TRDMT1: variants seen among roughly 807,000 people sequenced by gnomAD.
TRDMT1 encodes tRNA aspartic acid methyltransferase 1.
Under a neutral mutation model 51.2 loss-of-function variants are expected in TRDMT1, and 49 were observed. The ratio of observed to expected loss-of-function variants is 0.96; its 90% CI spans 0.76 to 1.21. The LOEUF (loss-of-function observed/expected upper bound fraction) is 1.21. Among genes scored for constraint, TRDMT1 ranks in the 50% most tolerant of loss-of-function variants. The probability of loss-of-function intolerance (pLI) is 0.00; values close to 1 mark genes in which losing one functional copy is unlikely to be tolerated. For missense variants in TRDMT1, 534 were observed against 462.3 expected, an observed-to-expected ratio of 1.16 and a Z score of -1.42; for synonymous variants, 187 against 164.6, an observed-to-expected ratio of 1.14 and a Z score of -1.04.
intron 1 of TRDMT1, among the ~76,000 whole-genome samples, chr10:17,192,161 T>C (rs1270786145): frequency 6.6e-6 from 1 of 151,994 alleles, no homozygotes; most frequent in Non-Finnish European, 1.5e-5. Context: ...GAGTTATAAA[T>C]ATAGTCTGAA....
chr10:17,189,375 A>G (rs1844388598), intron 1 of TRDMT1, among the ~76,000 whole-genome samples: 1 of 152,190 alleles, frequency 6.6e-6, no homozygotes, highest in African/African-American at 2.4e-5. Flanking sequence ...CCATATATGG[A>G]TATGCAAAGC....
intron 9 of TRDMT1, 88 bp from the exon 10 acceptor site, chr10:17,153,724 C>T (rs1839102755): frequency 5.1e-6 from 7 of 1,368,228 alleles, no homozygotes; most frequent in Non-Finnish European, 6.9e-6. Context: ...ACTCGATGGA[C>T]ATACAGTCTG....
chr10:17,151,323 G>T, intron 10 of TRDMT1: 17 of 985,294 alleles, frequency 1.7e-5, no homozygotes, highest in Non-Finnish European at 1.8e-5. Flanking sequence ...GATGAACAAG[G>T]TCAAGATATC....
Position 17,153,616 on chromosome 10 carries a change from G to C in TRDMT1, c.966C>G (p.Ser322=). ...GTTCTTCTTGTGACAAATTGGTAAG[G>C]GATTTGTAGATATTCTCAACCTGTA... The part of the protein sequence containing the change: ...EDVQVENIYK[S]LTNLSQEEQI... Residue 322 remains serine (S), a synonymous_variant, in exon 10 of 11, where the codon TCC becomes TCG. Coordinates refer to ENST00000377799, the MANE Select transcript of TRDMT1 (RefSeq NM_004412.7). 1 of 1,590,940 alleles carries C rather than the reference G, an allele frequency of 6.3e-7. No homozygotes were observed. Among genetic ancestry groups the C allele is most frequent in the Non-Finnish European group, 8.6e-7 (1 of 1,169,560 alleles).
At chr10:17,151,578 C>T in intron 10 of TRDMT1, 1 of 985,556 alleles carries the variant, frequency 1.0e-6, no homozygotes, top group Non-Finnish European at 1.2e-6. Flanking sequence ...AAGCTCAACT[C>T]CAAAAACATA....
rs191284365 is a variant in TRDMT1 at position 17,147,199 on chromosome 10, A to G, written c.*1841T>C. The G allele has an allele frequency of 4.2e-5, 41 of 985,864 alleles. No homozygotes were observed. The highest frequency in any genetic ancestry group is 5.2e-4 in the Middle Eastern group (1 of 1,914). The allele number at this position is 985,864 out of a possible 1,614,324, so 61.1% of individuals were successfully genotyped here. On this transcript the variant is annotated 3_prime_UTR_variant, in exon 11 of 11. Coordinates refer to ENST00000377799, the MANE Select transcript of TRDMT1 (RefSeq NM_004412.7). Reference sequence around the variant, plus strand: ...TATTTCAGCAGTGAACAGAACCTACATGAAAGTGTGCCAAAATAATTTGTG... The same window carrying G: ...TATTTCAGCAGTGAACAGAACCTACGTGAAAGTGTGCCAAAATAATTTGTG...
chr10:17,183,988 T>A (rs1843593605), intron 1 of TRDMT1, among the ~76,000 whole-genome samples: 1 of 152,038 alleles, frequency 6.6e-6, no homozygotes, highest in Non-Finnish European at 1.5e-5. Flanking sequence ...AACTCAACAA[T>A]AATCAAAAGA....
rs1158489851 is a variant in TRDMT1, at chr10:17,137,852, G to C, written c.*11188C>G. Among the ~76,000 whole-genome samples the C allele has an allele frequency of 2.0e-5, 3 of 149,372 alleles. No homozygotes were observed. The highest frequency in any genetic ancestry group is 3.9e-4 in the East Asian group (2 of 5,170). The stretch of plus-strand genomic sequence containing the variant: ...CAAAAAAAAAAGAAAAAAAAAAAAA[G>C]GTTGTTCCACTTGTCCAGCAGGGTG... On this transcript the variant is annotated 3_prime_UTR_variant, in exon 11 of 11. Coordinates refer to ENST00000377799, the MANE Select transcript of TRDMT1 (RefSeq NM_004412.7).
rs1838319104 is a variant in TRDMT1 at position 17,148,627 on chromosome 10, GA to G, written c.*412del. The G allele has an allele frequency of 1.0e-6, 1 of 967,510 alleles. No homozygotes were observed. The highest frequency in any genetic ancestry group is 1.2e-6 in the Non-Finnish European group (1 of 813,636). The allele number at this position is 967,510 out of a possible 1,614,324, so 59.9% of individuals were successfully genotyped here. ...ATTAAGTAAAACATTCAATGGGCTAGAATTAGAATCATTATTTTAAAATTAG... is the reference window on the plus strand; with the variant it reads ...ATTAAGTAAAACATTCAATGGGCTAGATTAGAATCATTATTTTAAAATTAG... On this transcript the variant is annotated 3_prime_UTR_variant, in exon 11 of 11. Transcript: ENST00000377799.
intron 1 of TRDMT1, among the ~76,000 whole-genome samples, chr10:17,183,152 T>C (rs1194195935): frequency 6.6e-6 from 1 of 152,212 alleles, no homozygotes; most frequent in East Asian, 1.9e-4. Context: ...ATAGAGATGT[T>C]AAAAAGATAA....
Position 17,144,790 on chromosome 10 carries a change from C to T in TRDMT1, c.*4250G>A. ...TAAAGAGAGAAACGGAAGCTAGAAACAACAACAACAAAAAATACTTTTTCT... is the reference window on the plus strand; with the variant it reads ...TAAAGAGAGAAACGGAAGCTAGAAATAACAACAACAAAAAATACTTTTTCT... On this transcript the variant is annotated 3_prime_UTR_variant, in exon 11 of 11. Coordinates refer to ENST00000377799, the MANE Select transcript of TRDMT1 (RefSeq NM_004412.7). 1.0e-6 allele frequency: 1 copy of T among 984,044 alleles called. No individual in the cohort carries two copies. The allele number at this position is 984,044 out of a possible 1,614,324, so 61.0% of individuals were successfully genotyped here. A position where few individuals can be genotyped will look rare whatever the true frequency, so the allele number is the denominator to read the frequency against.
intron 2 of TRDMT1, 59 bp from the exon 3 acceptor site, chr10:17,168,976 GA>G: frequency 9.2e-7 from 1 of 1,092,790 alleles, no homozygotes. Context: ...GAATGGGGAA[GA>G]GGGAAAATAC....
intron 1 of TRDMT1, among the ~76,000 whole-genome samples, chr10:17,188,569 T>C (rs1414024439): frequency 1.3e-5 from 2 of 152,184 alleles, no homozygotes; most frequent in Non-Finnish European, 2.9e-5. Context: ...CAGCACTATC[T>C]TAGCATGTTC....
At chr10:17,161,271 A>G (rs1169817191) in intron 5 of TRDMT1, among the ~76,000 whole-genome samples, 1 of 152,218 alleles carries the variant, frequency 6.6e-6, no homozygotes, top group Non-Finnish European at 1.5e-5. Flanking sequence ...GAAAATATCA[A>G]AATAGAAGAG....
At chr10:17,170,238 G>A (rs1340075757) in intron 2 of TRDMT1, among the ~76,000 whole-genome samples, 2 of 152,004 alleles carry the variant, frequency 1.3e-5, no homozygotes, top group Non-Finnish European at 2.9e-5. Flanking sequence ...AACTGATAAG[G>A]CAGTTAGGCA....
At chr10:17,181,280 C>T (rs915280552) in intron 1 of TRDMT1, among the ~76,000 whole-genome samples, 2 of 152,150 alleles carry the variant, frequency 1.3e-5, no homozygotes, top group Admixed American at 1.3e-4. Flanking sequence ...ATGACTTGAG[C>T]TCCGTTTGCT....
chr10:17,152,325 G>A (rs1349351859), intron 10 of TRDMT1, among the ~76,000 whole-genome samples: 1 of 152,056 alleles, frequency 6.6e-6, no homozygotes, highest in Non-Finnish European at 1.5e-5. Context: ...ACTGGTTGCT[G>A]CGACTACACT....
At chr10:17,178,148 T>C (rs1842843174) in intron 1 of TRDMT1, among the ~76,000 whole-genome samples, 1 of 152,214 alleles carries the variant, frequency 6.6e-6, no homozygotes, top group African/African-American at 2.4e-5. Flanking sequence ...GAGTAACTAC[T>C]GAATTACTCA....
intron 1 of TRDMT1, among the ~76,000 whole-genome samples, chr10:17,184,545 T>C (rs976380975): frequency 6.6e-6 from 1 of 152,070 alleles, no homozygotes; most frequent in African/African-American, 2.4e-5. Flanking sequence ...GCTTTATAGT[T>C]AGCCCTCCTT....
Sources: allele counts gnomAD v4.1 joint callset (sites outside exome capture counted in the v4.1 genomes callset), GRCh38; gene constraint gnomAD v4.1.1; transcripts MANE v1.5; gene names NCBI Gene and HGNC (gene_info 2026-07-23, HGNC 2026-07-21).